GAS6: variants seen among roughly 807,000 people sequenced by gnomAD.
GAS6 encodes the protein growth arrest-specific protein 6.
Under a neutral mutation model 75.8 loss-of-function variants are expected in GAS6, and 41 were observed. The ratio of observed to expected loss-of-function variants is 0.54; its 90% CI spans 0.42 to 0.70. The LOEUF (loss-of-function observed/expected upper bound fraction) is 0.70. Among genes scored for constraint, GAS6 ranks in the 30% least tolerant of loss-of-function variants. The probability of loss-of-function intolerance (pLI) is 0.00; values close to 1 mark genes in which losing one functional copy is unlikely to be tolerated. For synonymous variants in GAS6, 432 were observed against 412.6 expected (o/e 1.05, Z -0.57); for missense variants, 854 against 940.2 (o/e 0.91, Z 1.20).
At position 113,823,324 on chromosome 13, in the gene GAS6, C is replaced by T. The variant is rs189726423; in HGVS notation, c.1653+51G>A. The T allele has an allele frequency of 8.0e-5, 123 of 1,544,790 alleles. No homozygotes were observed. In the East Asian group the frequency reaches 2.0e-3, roughly 25 times the overall value. On this transcript the variant is annotated intron_variant, in intron 13 of 14. Transcript: ENST00000327773. The stretch of plus-strand genomic sequence containing the variant: ...GTCCCCTGCCAGGGAGTGCAGCCCA[C>T]GTACCCGTGGGTCGAGCCGGTCAGG...
At chr13:113,862,155 A>G (rs540205009) in intron 2 of GAS6, among the ~76,000 whole-genome samples, 50 of 152,362 alleles carry the variant, frequency 3.3e-4, no homozygotes, top group Admixed American at 2.9e-3. Flanking sequence ...ACAGCACAGT[A>G]CATCCAGGCA....
In GAS6 at chr13:113,834,701, C is replaced by T. The variant is rs754711749; in HGVS notation, c.713-29G>A. On this transcript the variant is annotated intron_variant, in intron 7 of 14. Transcript: ENST00000327773. ...CCAGCCAGAGGGAAGCGGCGGTGAG[C>T]CGGGGAGGCCTCTACGCTGTCCCGC... 1.7e-5 allele frequency: 26 copies of T among 1,501,690 alleles called. No homozygotes were observed. The Admixed American group carries it at 5.3e-4, about 31-fold the overall frequency. 93.0% of individuals were successfully genotyped at this position (1,501,690 alleles called of 1,614,324 possible). A position where few individuals can be genotyped will look rare whatever the true frequency, so the allele number is the denominator to read the frequency against.
intron 4 of GAS6, chr13:113,841,966 C>G (rs369327908): frequency 8.4e-6 from 1 of 118,436 alleles, no homozygotes; most frequent in South Asian, 3.3e-4. Context: ...TTCCTCCATA[C>G]GCCTCAATTT....
intron 10 of GAS6, among the ~76,000 whole-genome samples, chr13:113,829,419 G>C (rs1348095904): frequency 6.7e-6 from 1 of 150,260 alleles, no homozygotes; most frequent in Non-Finnish European, 1.5e-5. Flanking sequence ...CCCAATCTCA[G>C]GGACACCACC....
At chr13:113,826,430 G>A (rs1202606337) in intron 12 of GAS6, among the ~76,000 whole-genome samples, 4 of 140,342 alleles carry the variant, frequency 2.9e-5, no homozygotes, top group Middle Eastern at 3.5e-3. Flanking sequence ...CGCTGGCCTC[G>A]CAGGCACCTT....
At chr13:113,858,367 G>A (rs1472521518) in intron 2 of GAS6, among the ~76,000 whole-genome samples, 1 of 152,162 alleles carries the variant, frequency 6.6e-6, no homozygotes, top group East Asian at 1.9e-4. Context: ...GTGAATGTGT[G>A]CATGTGTGTG....
intron 3 of GAS6, 148 bp from the exon 4 acceptor site, chr13:113,846,737 T>C: frequency 1.5e-6 from 1 of 663,624 alleles, no homozygotes; most frequent in East Asian, 2.7e-5. Context: ...TTAGCTTGTG[T>C]TAATAAAAAA....
intron 6 of GAS6, 48 bp from the exon 7 acceptor site, chr13:113,835,683 A>ATGC: frequency 6.2e-7 from 1 of 1,600,172 alleles, no homozygotes; most frequent in Non-Finnish European, 8.5e-7. Flanking sequence ...GGCATCTCAG[A>ATGC]CGGGGCTGGG....
intron 2 of GAS6, among the ~76,000 whole-genome samples, chr13:113,862,569 A>T (rs2051980902): frequency 6.6e-6 from 1 of 152,236 alleles, no homozygotes; most frequent in Non-Finnish European, 1.5e-5. Flanking sequence ...GCCCCCGGGC[A>T]ACAGCCCCAG....
Position 113,832,750 on chromosome 13 carries a change from G to A in GAS6, c.837C>T (p.Asp279=), listed in dbSNP as rs2138631467. The change falls in exon 9 of 15, where the codon GAC becomes GAT. Residue 279 remains aspartate (D), a splice_region_variant and synonymous_variant. Transcript: ENST00000327773. ...CGCTGAAGGGCACGCACGGCAAGATGTCCTGCCACGGACGGGGGCCACGCC... is the reference window on the plus strand; with the variant it reads ...CGCTGAAGGGCACGCACGGCAAGATATCCTGCCACGGACGGGGGCCACGCC... ...KLSQDMDTCE[D]ILPCVPFSVA... is the part of the protein sequence containing the mutation. 6 of 1,612,674 alleles carry A rather than the reference G, an allele frequency of 3.7e-6. No homozygotes were observed. The highest frequency in any genetic ancestry group is 5.1e-6 in the Non-Finnish European group (6 of 1,179,930).
intron 2 of GAS6, among the ~76,000 whole-genome samples, chr13:113,856,578 G>A (rs1288817104): frequency 1.3e-5 from 2 of 152,190 alleles, no homozygotes; most frequent in African/African-American, 4.8e-5. Context: ...ATCTGAGAAC[G>A]GGAGTGATCG....
At chr13:113,835,211 C>T (rs1336121107) in intron 7 of GAS6, among the ~76,000 whole-genome samples, 1 of 152,254 alleles carries the variant, frequency 6.6e-6, no homozygotes, top group African/African-American at 2.4e-5. Context: ...TGCTGCTCCC[C>T]GTCCCTTTGG....
chr13:113,839,743 G>C lies in GAS6; in HGVS notation c.451C>G (p.Arg151Gly). ...CCTCACGTACCTTTGTCGCAGAGCC[G>C]GCCCCCCCAGCCAGCTTTACACAGG... Reference protein sequence around the residue: ...FCLCKAGWGGRLCDKDVNECS... With the variant: ...FCLCKAGWGGGLCDKDVNECS... The change falls in exon 5 of 15, where the codon CGG becomes GGG. Residue 151 changes from arginine to glycine, a missense_variant. Physicochemically the swap from Arg to Gly is moderately radical, Grantham distance 125 (BLOSUM62 -2). Transcript: ENST00000327773. 6.2e-7 allele frequency: 1 copy of C among 1,613,842 alleles called. No individual in the cohort carries two copies. Among genetic ancestry groups the C allele is most frequent in the Non-Finnish European group, 8.5e-7 (1 of 1,179,902 alleles).
intron 2 of GAS6, among the ~76,000 whole-genome samples, chr13:113,858,161 T>A (rs974799721): frequency 2.6e-5 from 4 of 152,268 alleles, no homozygotes; most frequent in African/African-American, 9.6e-5. Context: ...AGTGGTCTTC[T>A]GACCCCAAAG....
In GAS6 at chr13:113,824,641, C is replaced by T. The variant is rs544219896; in HGVS notation, c.1478-1091G>A. On this transcript the variant is annotated intron_variant, in intron 12 of 14. Transcript: ENST00000327773. ...CTGTGTGTACACATTTGTGACTGGG[C>T]GCCTCGCACTGCAGGCCAAGGTTGG... Among the ~76,000 whole-genome samples, 7 of 152,224 alleles carry T rather than the reference C, an allele frequency of 4.6e-5. No homozygotes were observed. In the East Asian group the frequency reaches 5.8e-4, roughly 13 times the overall value.
At chr13:113,843,738 G>A (rs1313118121) in intron 4 of GAS6, 1 of 151,268 alleles carries the variant, frequency 6.6e-6, no homozygotes, top group Non-Finnish European at 1.5e-5. Flanking sequence ...GACAGCCTGA[G>A]GGCCGCAGGC....
chr13:113,830,510 A>G (rs3934836), intron 10 of GAS6, among the ~76,000 whole-genome samples: 245 of 14,280 alleles, frequency 0.017, 1 homozygote, highest in Middle Eastern at 0.077. Context: ...CTGCAACACC[A>G]CTCCCCCAGG....
chr13:113,824,242 G>A (rs1388308366), intron 12 of GAS6, among the ~76,000 whole-genome samples: 1 of 140,048 alleles, frequency 7.1e-6, no homozygotes, highest in Non-Finnish European at 1.5e-5. Context: ...TGGGGTCTGA[G>A]CTGTCAGGAG....
intron 3 of GAS6, chr13:113,846,936 G>T (rs116368607): frequency 0.013 from 5,877 of 464,870 alleles, 306 homozygotes; most frequent in African/African-American, 0.11. Flanking sequence ...ATTTTCCAGT[G>T]GACCCCCATT....
Sources: allele counts gnomAD v4.1 joint callset (sites outside exome capture counted in the v4.1 genomes callset), GRCh38; gene constraint gnomAD v4.1.1; transcripts MANE v1.5; gene names NCBI Gene and HGNC (gene_info 2026-07-23, HGNC 2026-07-21).